Variants in TNFRSF10D observed in about 807,000 individuals in gnomAD.
TNFRSF10D encodes the protein TNF receptor superfamily member 10d, also known as tumor necrosis factor receptor superfamily member 10D.
TNFRSF10D carries 28 observed loss-of-function variants against 42.1 expected under a neutral mutation model. The observed-to-expected ratio is 0.66, with a 90% CI of 0.49 to 0.91. The LOEUF (loss-of-function observed/expected upper bound fraction) is 0.91. Among genes scored for constraint, TNFRSF10D ranks in the 40% least tolerant of loss-of-function variants. The pLI is 0.00. For missense variants in TNFRSF10D, 503 were observed against 486.1 expected, an observed-to-expected ratio of 1.03 and a Z score of -0.33; for synonymous variants, 186 against 189.4, an observed-to-expected ratio of 0.98 and a Z score of 0.15.
rs1585255199 is a variant in TNFRSF10D at position 23,135,654 on chromosome 8, G to T, written c.*2216C>A. Reference sequence around the variant, plus strand: ...ATGAGTATTTCATATATAACCAGGTGTTATGTGCTATTTGGCCCGGGTATA... The same window carrying T: ...ATGAGTATTTCATATATAACCAGGTTTTATGTGCTATTTGGCCCGGGTATA... On this transcript the variant is annotated 3_prime_UTR_variant, in exon 9 of 9. Transcript: ENST00000312584. The T allele has an allele frequency of 3.7e-6, 1 of 271,664 alleles. No homozygotes were observed. The highest frequency in any genetic ancestry group is 9.5e-5 in the East Asian group (1 of 10,542). The allele number at this position is 271,664 out of a possible 1,614,324, so 16.8% of individuals were successfully genotyped here.
chr8:23,157,177 C>T (rs978637003), intron 1 of TNFRSF10D, among the ~76,000 whole-genome samples: 13 of 152,120 alleles, frequency 8.5e-5, no homozygotes, highest in Admixed American at 5.2e-4. Flanking sequence ...GAACTGCATA[C>T]CCTTCAGGAG....
chr8:23,148,507 C>T lies in TNFRSF10D; in HGVS notation c.301G>A (p.Glu101Lys). The T allele has an allele frequency of 6.2e-7, 1 of 1,611,088 alleles. No homozygotes were observed. Among genetic ancestry groups the T allele is most frequent in the Non-Finnish European group, 8.5e-7 (1 of 1,177,994 alleles). ...GAAGCAATGGTGTAATCCACACCCT[C>T]TGTGCACGGGTTACAGGCTCCAGTA... Reference protein sequence around the residue: ...EYTGACNPCTEGVDYTIASNN... With the variant: ...EYTGACNPCTKGVDYTIASNN... The change falls in exon 3 of 9, where the codon GAG becomes AAG. Residue 101 changes from glutamate to lysine, a missense_variant. Physicochemically the swap from Glu to Lys is moderately conservative, Grantham distance 56. Transcript: ENST00000312584.
At position 23,137,969 on chromosome 8, in the gene TNFRSF10D, T is replaced by C; in HGVS notation, c.1062A>G (p.Glu354=). Residue 354 remains glutamate (E), a synonymous_variant, in exon 9 of 9, where the codon GAA becomes GAG. Coordinates refer to ENST00000312584, the MANE Select transcript of TNFRSF10D (RefSeq NM_003840.5). ...GAATTGTTTCCTTTGCATGTCCTTC[T>C]TCCAGTGTTGCCGAGGCATCCAGCA... The part of the protein sequence containing the change: ...STLLDASATL[E]EGHAKETIQD... 6.2e-7 allele frequency: 1 copy of C among 1,614,250 alleles called. No individual in the cohort carries two copies. The highest frequency in any genetic ancestry group is 8.5e-7 in the Non-Finnish European group (1 of 1,180,048).
At chr8:23,142,663 G>A (rs76154540) in intron 7 of TNFRSF10D, among the ~76,000 whole-genome samples, 2,806 of 152,086 alleles carry the variant, frequency 0.018, 93 homozygotes, top group African/African-American at 0.064. Flanking sequence ...CCACAACCTG[G>A]ATAAAATCAT....
chr8:23,147,090 G>T lies in TNFRSF10D; in HGVS notation c.371-18C>A. 2 of 1,605,496 alleles carry T rather than the reference G, an allele frequency of 1.2e-6. No individual in the cohort carries two copies. Among genetic ancestry groups the T allele is most frequent in the Non-Finnish European group, 1.7e-6 (2 of 1,172,426 alleles). ...TGTTTGACCTGACAACAGAGCATAA[G>T]GTTTTGAGAATGTGTTTCCCTGACA... is the stretch of plus-strand genomic sequence containing the variant. On this transcript the variant is annotated intron_variant, in intron 3 of 8. Transcript: ENST00000312584.
In TNFRSF10D at chr8:23,160,365, G is replaced by A. The variant is rs902335950; in HGVS notation, c.150+3421C>T. On this transcript the variant is annotated intron_variant, in intron 1 of 8. Coordinates refer to ENST00000312584, the MANE Select transcript of TNFRSF10D (RefSeq NM_003840.5). Reference sequence around the variant, plus strand: ...CAGGGAGGGGACTCCGAAGAGCCCTGTGGACTCTGCTGAGGACCCATAGGA... The same window carrying A: ...CAGGGAGGGGACTCCGAAGAGCCCTATGGACTCTGCTGAGGACCCATAGGA... Among the ~76,000 whole-genome samples, 27 of 152,198 alleles carry A rather than the reference G, an allele frequency of 1.8e-4. 3 individuals are homozygous for A. Among genetic ancestry groups the A allele is most frequent in the Admixed American group, 1.5e-3 (23 of 15,280 alleles).
rs1378509269 is a variant in TNFRSF10D, at chr8:23,154,871, C to T, written c.256+3G>A. ...AAACTGATTTTTAAAAATAAGAGTG[C>T]ACCTGCTGGACACTCCTCCTCCTTG... is the stretch of plus-strand genomic sequence containing the variant. On this transcript the variant is annotated splice_donor_region_variant and intron_variant, in intron 2 of 8. Transcript: ENST00000312584. The T allele has an allele frequency of 1.9e-6, 3 of 1,611,496 alleles. No individual in the cohort carries two copies. The highest frequency in any genetic ancestry group is 1.7e-5 in the Admixed American group (1 of 59,778).
intron 7 of TNFRSF10D, among the ~76,000 whole-genome samples, chr8:23,141,151 T>G (rs1814461247): frequency 6.6e-6 from 1 of 151,952 alleles, no homozygotes; most frequent in Non-Finnish European, 1.5e-5. Flanking sequence ...AGCAATGCAA[T>G]AAAAACAAAA....
intron 3 of TNFRSF10D, among the ~76,000 whole-genome samples, chr8:23,148,163 T>C (rs7819711): frequency 2.0e-5 from 3 of 150,828 alleles, no homozygotes; most frequent in South Asian, 2.1e-4. Flanking sequence ...TCACTAAACC[T>C]GGGAGGCAGA....
intron 7 of TNFRSF10D, among the ~76,000 whole-genome samples, chr8:23,141,161 A>C (rs1389160232): frequency 6.6e-6 from 1 of 152,182 alleles, no homozygotes; most frequent in Non-Finnish European, 1.5e-5. Context: ...TAAAAACAAA[A>C]ATTGTCAAGT....
intron 7 of TNFRSF10D, among the ~76,000 whole-genome samples, chr8:23,142,038 G>A (rs998721743): frequency 1.3e-5 from 2 of 152,152 alleles, no homozygotes; most frequent in Non-Finnish European, 2.9e-5. Context: ...TTGGGAGGCC[G>A]AGGTGGATGG....
chr8:23,146,829 G>T, intron 4 of TNFRSF10D, 132 bp downstream of exon 4: 1 of 743,570 alleles, frequency 1.3e-6, no homozygotes, highest in Non-Finnish European at 2.3e-6. Context: ...CGCAGGCTCA[G>T]GAAACCCCAC....
intron 6 of TNFRSF10D, among the ~76,000 whole-genome samples, 188 bp downstream of exon 6, chr8:23,144,870 C>T (rs1426874584): frequency 1.3e-5 from 2 of 152,132 alleles, no homozygotes; most frequent in South Asian, 2.1e-4. Context: ...GGCTGCAGCA[C>T]GGCCTGCTGG....
intron 7 of TNFRSF10D, among the ~76,000 whole-genome samples, chr8:23,143,348 G>C (rs1467730791): frequency 1.3e-5 from 2 of 151,060 alleles, no homozygotes; most frequent in East Asian, 4.0e-4. Context: ...GTGCAGCGCG[G>C]CCAGGTGCAG....
intron 1 of TNFRSF10D, among the ~76,000 whole-genome samples, chr8:23,160,915 C>A (rs532548680): frequency 1.3e-5 from 2 of 152,250 alleles, no homozygotes; most frequent in Non-Finnish European, 2.9e-5. Context: ...GCAGTGCCAT[C>A]GCTGTCCTCA....
chr8:23,163,892 C>T lies in TNFRSF10D; in HGVS notation c.44G>A (p.Arg15Gln). 6.3e-7 allele frequency: 1 copy of T among 1,593,892 alleles called. No homozygotes were observed. Among genetic ancestry groups the T allele is most frequent in the South Asian group, 1.1e-5 (1 of 88,554 alleles). The change falls in exon 1 of 9, where the codon CGA becomes CAA. Residue 15 changes from arginine (R) to glutamine (Q), a missense_variant. Arg to Gln is a conservative substitution (Grantham distance 43). Coordinates refer to ENST00000312584, the MANE Select transcript of TNFRSF10D (RefSeq NM_003840.5). ...CCTGGCTCCTGGATAGCGCCCTGCTCGAGCGCTCGAGGCGGTCGGGACGCT... is the reference window on the plus strand; with the variant it reads ...CCTGGCTCCTGGATAGCGCCCTGCTTGAGCGCTCGAGGCGGTCGGGACGCT... ...GQSVPTASSA[R>Q]AGRYPGARTA...
Position 23,147,061 on chromosome 8 carries a change from T to C in TNFRSF10D, c.382A>G (p.Lys128Glu). 1.9e-6 allele frequency: 3 copies of C among 1,613,906 alleles called. No homozygotes were observed. The highest frequency in any genetic ancestry group is 2.2e-5 in the East Asian group (1 of 44,876). The change falls in exon 4 of 9, where the codon AAA becomes GAA. Residue 128 changes from lysine to glutamate, a missense_variant. Physicochemically the swap from Lys to Glu is moderately conservative, Grantham distance 56. Coordinates refer to ENST00000312584, the MANE Select transcript of TNFRSF10D (RefSeq NM_003840.5). Reference sequence around the variant, plus strand: ...TCTCTGGTCGTGGTACAGGAACTTTTATTTGTTTGACCTGACAACAGAGCA... The same window carrying C: ...TCTCTGGTCGTGGTACAGGAACTTTCATTTGTTTGACCTGACAACAGAGCA... The part of the protein sequence containing the change: ...CTVCKSGQTN[K>E]SSCTTTRDTV...
rs748367865 is a variant in TNFRSF10D, at chr8:23,154,931, G to T, written c.199C>A (p.Gln67Lys). ...TIPRQDEVPQ[Q>K]TVAPQQQRRS... The stretch of plus-strand genomic sequence containing the variant: ...CTCTGTTGCTGTGGGGCCACTGTCT[G>T]CTGGGGAACTTCGTCCTGCCGGGGG... Residue 67 changes from glutamine to lysine, a missense_variant, in exon 2 of 9, where the codon CAG becomes AAG. Coordinates refer to ENST00000312584, the MANE Select transcript of TNFRSF10D (RefSeq NM_003840.5). 1 of 1,613,908 alleles carries T rather than the reference G, an allele frequency of 6.2e-7. No individual in the cohort carries two copies. The highest frequency in any genetic ancestry group is 8.5e-7 in the Non-Finnish European group (1 of 1,179,900).
At chr8:23,148,901 C>CTT (rs35193166) in intron 2 of TNFRSF10D, among the ~76,000 whole-genome samples, 13 of 151,364 alleles carry the variant, frequency 8.6e-5, no homozygotes, top group Non-Finnish European at 1.9e-4. Flanking sequence ...AATATTTTAT[C>CTT]TTTTTTTGGC....
Sources: allele counts gnomAD v4.1 joint callset (sites outside exome capture counted in the v4.1 genomes callset), GRCh38; gene constraint gnomAD v4.1.1; transcripts MANE v1.5; gene names NCBI Gene and HGNC (gene_info 2026-07-23, HGNC 2026-07-21).